Variants in CCSER1 observed in about 807,000 individuals in gnomAD.
The protein encoded by CCSER1 is serine-rich coiled-coil domain-containing protein 1.
In CCSER1, 41 loss-of-function variants were observed where a neutral mutation model predicts 82.0. The ratio of observed to expected loss-of-function variants is 0.50; its 90% CI spans 0.39 to 0.65. The LOEUF (loss-of-function observed/expected upper bound fraction) is 0.65, where lower values mean the gene tolerates loss of function less well. CCSER1 is among the 30% of genes least tolerant of loss of function. The pLI is 0.00. For synonymous variants in CCSER1, 414 were observed against 383.9 expected (o/e 1.08, Z -0.92); for missense variants, 1,119 against 1,064.2 (o/e 1.05, Z -0.72).
chr4:90,742,590 C>T (rs1228796756), intron 7 of CCSER1, among the ~76,000 whole-genome samples: 1 of 152,098 alleles, frequency 6.6e-6, no homozygotes. Context: ...TCTGCTGACA[C>T]CTTGATTTTG....
At chr4:90,731,146 G>A (rs1443224320) in intron 7 of CCSER1, among the ~76,000 whole-genome samples, 1 of 152,012 alleles carries the variant, frequency 6.6e-6, no homozygotes, top group Non-Finnish European at 1.5e-5. Flanking sequence ...TTTGAATGTG[G>A]GGTCAGCAGG....
At chr4:91,044,560 AT>A (rs1374074079) in intron 9 of CCSER1, among the ~76,000 whole-genome samples, 1 of 152,142 alleles carries the variant, frequency 6.6e-6, no homozygotes, top group African/African-American at 2.4e-5. Flanking sequence ...CACTATCCCA[AT>A]ACATTTTAAT....
intron 3 of CCSER1, chr4:90,370,116 GGTTA>G (rs1747122603): frequency 6.6e-6 from 1 of 152,046 alleles, no homozygotes; most frequent in Non-Finnish European, 1.5e-5. Flanking sequence ...GAAACATGTT[GGTTA>G]TTAGGTGTCA....
At chr4:90,806,693 A>G (rs1757557103) in intron 7 of CCSER1, among the ~76,000 whole-genome samples, 1 of 151,944 alleles carries the variant, frequency 6.6e-6, no homozygotes, top group African/African-American at 2.4e-5. Flanking sequence ...TTCATGAGGC[A>G]CTCCCCAACC....
At chr4:90,138,743 T>C (rs1226873537) in intron 1 of CCSER1, among the ~76,000 whole-genome samples, 3 of 152,172 alleles carry the variant, frequency 2.0e-5, no homozygotes, top group Non-Finnish European at 2.9e-5. Context: ...AGGGTACATA[T>C]GCACAAGGTG....
chr4:91,419,705 A>G lies in CCSER1; in HGVS notation c.2218-178867A>G, dbSNP rs974641966. On this transcript the variant is annotated intron_variant, in intron 10 of 10. Coordinates refer to ENST00000509176, the MANE Select transcript of CCSER1 (RefSeq NM_001145065.2). The stretch of plus-strand genomic sequence containing the variant: ...TTTTCAGAATAATAGAAAAAAATCT[A>G]AAATTTATATGGAGCCACAAAAGTC... Among the ~76,000 whole-genome samples, 4 of 152,054 alleles carry G rather than the reference A, an allele frequency of 2.6e-5. No homozygotes were observed. In the East Asian group the frequency reaches 7.7e-4, roughly 29 times the overall value.
chr4:90,380,896 A>G (rs1312353590), intron 3 of CCSER1, among the ~76,000 whole-genome samples: 1 of 152,178 alleles, frequency 6.6e-6, no homozygotes, highest in Non-Finnish European at 1.5e-5. Context: ...TAGTCCAATC[A>G]GGGAAACAAA....
At chr4:90,280,922 C>T (rs1478295806) in intron 1 of CCSER1, among the ~76,000 whole-genome samples, 2 of 152,112 alleles carry the variant, frequency 1.3e-5, no homozygotes, top group Admixed American at 6.6e-5. Context: ...GGTCACATTA[C>T]ACAGCCCAAT....
chr4:90,753,841 G>A (rs1233399281), intron 7 of CCSER1, among the ~76,000 whole-genome samples: 1 of 152,114 alleles, frequency 6.6e-6, no homozygotes, highest in Non-Finnish European at 1.5e-5. Context: ...TATCTTGCAA[G>A]TCTTTTCTAG....
chr4:91,228,104 T>C (rs1448760835), intron 10 of CCSER1, among the ~76,000 whole-genome samples: 1 of 152,044 alleles, frequency 6.6e-6, no homozygotes, highest in African/African-American at 2.4e-5. Context: ...CTGCTTCTTC[T>C]CCCATTATTA....
At chr4:91,344,850 A>G (rs1186368252) in intron 10 of CCSER1, among the ~76,000 whole-genome samples, 1 of 152,176 alleles carries the variant, frequency 6.6e-6, no homozygotes, top group Admixed American at 6.5e-5. Flanking sequence ...CTCAAAATAA[A>G]TGAATTATAA....
intron 1 of CCSER1, among the ~76,000 whole-genome samples, chr4:90,231,383 T>G (rs1744507615): frequency 6.6e-6 from 1 of 151,760 alleles, no homozygotes; most frequent in Admixed American, 6.6e-5. Flanking sequence ...CATGATTATC[T>G]CAATAGATGC....
chr4:91,301,540 GTATA>G (rs71596557), intron 10 of CCSER1, among the ~76,000 whole-genome samples: 25 of 146,666 alleles, frequency 1.7e-4, no homozygotes, highest in African/African-American at 5.7e-4. Context: ...ATAAAATATA[GTATA>G]TATATATATA....
At position 91,293,861 on chromosome 4, in the gene CCSER1, A is replaced by G. The variant is rs369897778; in HGVS notation, c.2217+207867A>G. Among the ~76,000 whole-genome samples the G allele has an allele frequency of 2.5e-3, 385 of 152,110 alleles. 14 individuals are homozygous for G. In the South Asian group the frequency reaches 0.063, roughly 25 times the overall value. On this transcript the variant is annotated intron_variant, in intron 10 of 10. Coordinates refer to ENST00000509176, the MANE Select transcript of CCSER1 (RefSeq NM_001145065.2). ...CTGTCAAGTTTAAAAGCCTTTAAAA[A>G]TTACATTATATTTGTTTGATCTGCA... is the stretch of plus-strand genomic sequence containing the variant.
At chr4:90,432,270 T>C (rs1758378082) in intron 4 of CCSER1, among the ~76,000 whole-genome samples, 1 of 152,134 alleles carries the variant, frequency 6.6e-6, no homozygotes, top group African/African-American at 2.4e-5. Flanking sequence ...AAAAATTTGC[T>C]ATTTGTTGTT....
intron 1 of CCSER1, among the ~76,000 whole-genome samples, chr4:90,265,416 T>C (rs1041537652): frequency 1.3e-5 from 2 of 152,008 alleles, no homozygotes; most frequent in Admixed American, 6.5e-5. Context: ...AATGATCAAA[T>C]TTCACTAGTG....
At chr4:91,544,928 G>A (rs996058665) in intron 10 of CCSER1, among the ~76,000 whole-genome samples, 10 of 152,162 alleles carry the variant, frequency 6.6e-5, no homozygotes, top group Admixed American at 2.0e-4. Flanking sequence ...GAGGCAGGCA[G>A]GCCTCCTTGA....
At chr4:91,276,447 T>C (rs1256723469) in intron 10 of CCSER1, among the ~76,000 whole-genome samples, 2 of 151,962 alleles carry the variant, frequency 1.3e-5, no homozygotes, top group East Asian at 3.9e-4. Flanking sequence ...TTTCAACCAG[T>C]TTATGATTAG....
At chr4:90,667,535 C>A (rs1732032129) in intron 6 of CCSER1, among the ~76,000 whole-genome samples, 1 of 152,060 alleles carries the variant, frequency 6.6e-6, no homozygotes, top group Non-Finnish European at 1.5e-5. Flanking sequence ...ATGTTCCCCT[C>A]CCTGTGTCCA....
Sources: gnomAD v4.1 joint callset for allele counts (sites outside exome capture counted in the v4.1 genomes callset) on GRCh38, gnomAD v4.1.1 for gene constraint, MANE v1.5 for transcripts, NCBI Gene and HGNC (gene_info 2026-07-23, HGNC 2026-07-21) for gene names.